EML4: variants seen among roughly 807,000 people sequenced by gnomAD.
EML4 encodes EMAP like 4, also known as echinoderm microtubule-associated protein-like 4.
A neutral mutation model predicts 129.0 loss-of-function variants in EML4; 72 were observed. That is an observed-to-expected ratio of 0.56 (90% confidence interval 0.46 to 0.68). The LOEUF is 0.68. Among genes scored for constraint, EML4 ranks in the 30% least tolerant of loss-of-function variants. The pLI is 0.00. For missense variants in EML4, 1,363 were observed against 1,190.6 expected (o/e 1.14, Z -2.13); for synonymous variants, 532 against 405.0 (o/e 1.31, Z -3.77).
intron 1 of EML4, among the ~76,000 whole-genome samples, chr2:42,223,619 A>G (rs1391790610): frequency 1.3e-5 from 2 of 152,082 alleles, no homozygotes; most frequent in Non-Finnish European, 2.9e-5. Flanking sequence ...TCCCCATGAC[A>G]AGAGTACAAT....
chr2:42,174,758 A>T (rs1349885743), intron 1 of EML4, among the ~76,000 whole-genome samples: 2 of 152,066 alleles, frequency 1.3e-5, no homozygotes, highest in African/African-American at 4.8e-5. Flanking sequence ...TTGCATACTA[A>T]CCTTGGGAGA....
At chr2:42,199,227 A>G (rs1211050196) in intron 1 of EML4, among the ~76,000 whole-genome samples, 1 of 152,200 alleles carries the variant, frequency 6.6e-6, no homozygotes, top group Non-Finnish European at 1.5e-5. Flanking sequence ...GTTGTGGGTA[A>G]TAAAGCGAGT....
At chr2:42,280,180 C>G (rs1666927861) in intron 6 of EML4, among the ~76,000 whole-genome samples, 1 of 152,188 alleles carries the variant, frequency 6.6e-6, no homozygotes. Context: ...CTCTTCTTTT[C>G]AAGTGTTAGA....
intron 1 of EML4, among the ~76,000 whole-genome samples, chr2:42,234,531 C>T (rs2104223361): frequency 1.3e-5 from 2 of 152,274 alleles, no homozygotes; most frequent in Middle Eastern, 3.4e-3. Context: ...AGTCTGAGGA[C>T]TTGGGAATGA....
At chr2:42,256,677 G>A (rs1676174499) in intron 3 of EML4, 47 bp downstream of exon 3, 3 of 1,603,378 alleles carry the variant, frequency 1.9e-6, no homozygotes, top group Middle Eastern at 1.7e-4. Flanking sequence ...AGAATTGTCT[G>A]AATGTGGTAG....
rs779488847 is a variant in EML4 at position 42,282,877 on chromosome 2, G to C, written c.846G>C (p.Gly282=). The C allele has an allele frequency of 1.9e-6, 3 of 1,611,980 alleles. No individual in the cohort carries two copies. In the African/African-American group the frequency reaches 4.0e-5, roughly 22 times the overall value. The change falls in exon 8 of 23, where the codon GGG becomes GGC. Residue 282 remains glycine, a synonymous_variant. Transcript: ENST00000318522. ...CRANVYLLPT[G]KIVYFIASVV... is the part of the protein sequence containing the mutation. ...CTAATGTTTACCTTCTTCCGACCGG[G>C]AAAATAGTTTATTTCATTGCATCAG...
intron 19 of EML4, chr2:42,319,716 A>G (rs1669422597): frequency 6.6e-6 from 1 of 152,190 alleles, no homozygotes; most frequent in African/African-American, 2.4e-5. Flanking sequence ...TTAAAACTGG[A>G]GTTTATAATA....
At chr2:42,204,743 C>G (rs185794032) in intron 1 of EML4, among the ~76,000 whole-genome samples, 1 of 152,172 alleles carries the variant, frequency 6.6e-6, no homozygotes, top group East Asian at 1.9e-4. Flanking sequence ...TGTTTTTTCT[C>G]CCTACTAGGA....
intron 3 of EML4, 67 bp from the exon 4 acceptor site, chr2:42,261,054 T>G: frequency 8.2e-7 from 1 of 1,226,094 alleles, no homozygotes; most frequent in South Asian, 1.5e-5. Flanking sequence ...ATAATCACTT[T>G]TCTATCGTTT....
intron 1 of EML4, among the ~76,000 whole-genome samples, chr2:42,210,991 C>T (rs940130751): frequency 1.3e-5 from 2 of 152,170 alleles, no homozygotes; most frequent in Admixed American, 6.5e-5. Context: ...GGAACTGAGA[C>T]TTTCTTCTCA....
chr2:42,196,484 T>TC (rs1397351013), intron 1 of EML4, among the ~76,000 whole-genome samples: 1 of 152,152 alleles, frequency 6.6e-6, no homozygotes, highest in African/African-American at 2.4e-5. Flanking sequence ...ATAACATGGA[T>TC]CTAAGGATAA....
chr2:42,253,393 A>G (rs1187157075), intron 2 of EML4, among the ~76,000 whole-genome samples: 2 of 152,210 alleles, frequency 1.3e-5, no homozygotes, highest in Non-Finnish European at 2.9e-5. Flanking sequence ...GATGCATATT[A>G]CAATTGATAG....
At chr2:42,196,214 G>A (rs1337368447) in intron 1 of EML4, among the ~76,000 whole-genome samples, 1 of 152,126 alleles carries the variant, frequency 6.6e-6, no homozygotes, top group Non-Finnish European at 1.5e-5. Flanking sequence ...ATTAATGAGT[G>A]AATTAATACA....
intron 4 of EML4, 82 bp downstream of exon 4, chr2:42,261,376 C>A: frequency 7.8e-7 from 1 of 1,279,180 alleles, no homozygotes; most frequent in Non-Finnish European, 1.1e-6. Context: ...AGTTAGCTAT[C>A]CAAGGATTCT....
intron 1 of EML4, among the ~76,000 whole-genome samples, chr2:42,179,268 T>TG (rs1558477204): frequency 6.6e-6 from 1 of 151,556 alleles, no homozygotes; most frequent in African/African-American, 2.4e-5. Flanking sequence ...GCTGGGTTTT[T>TG]TTTTTTTTTT....
chr2:42,268,505 A>G lies in EML4; in HGVS notation c.667+3774A>G, dbSNP rs186094566. On this transcript the variant is annotated intron_variant, in intron 6 of 22. Coordinates refer to ENST00000318522, the MANE Select transcript of EML4 (RefSeq NM_019063.5). ...CGAGGCTGGAGTTCAGTGCACGATC[A>G]TAACTCACTGCAGCCTTGAACTCCG... is the stretch of plus-strand genomic sequence containing the variant. Among the ~76,000 whole-genome samples, 14 of 152,218 alleles carry G rather than the reference A, an allele frequency of 9.2e-5. 1 individual carries two copies. In the East Asian group the frequency reaches 2.7e-3, roughly 29 times the overall value.
intron 1 of EML4, among the ~76,000 whole-genome samples, chr2:42,226,625 C>G (rs903288687): frequency 2.6e-5 from 4 of 151,320 alleles, no homozygotes; most frequent in African/African-American, 9.7e-5. Flanking sequence ...CCATTGCACT[C>G]CAGCCTGGGC....
In EML4 at chr2:42,330,827, C is replaced by G. The variant is rs796173941; in HGVS notation, c.*620C>G. 6 of 210,114 alleles carry G rather than the reference C, an allele frequency of 2.9e-5. No individual in the cohort carries two copies. The highest frequency in any genetic ancestry group is 1.4e-4 in the African/African-American group (6 of 43,880). 13.0% of individuals were successfully genotyped at this position (210,114 alleles called of 1,614,324 possible). A position where few individuals can be genotyped will look rare whatever the true frequency, so the allele number is the denominator to read the frequency against. On this transcript the variant is annotated 3_prime_UTR_variant, in exon 23 of 23. Transcript: ENST00000318522. ...ATGCTCTTAGTCTACTAGAGAGGTG[C>G]TGCCTTTTCTAAGTCATAATGAGGA...
At chr2:42,206,422 C>G (rs931720153) in intron 1 of EML4, among the ~76,000 whole-genome samples, 1 of 152,120 alleles carries the variant, frequency 6.6e-6, no homozygotes, top group African/African-American at 2.4e-5. Flanking sequence ...CACTGTCTTG[C>G]CCAGGCAGGT....
Sources: allele counts gnomAD v4.1 joint callset (sites outside exome capture counted in the v4.1 genomes callset), GRCh38; gene constraint gnomAD v4.1.1; transcripts MANE v1.5; gene names NCBI Gene and HGNC (gene_info 2026-07-23, HGNC 2026-07-21).